Variants in JAZF1 observed in about 807,000 individuals in gnomAD.
The protein encoded by JAZF1 is JAZF zinc finger 1, also known as juxtaposed with another zinc finger protein 1.
A neutral mutation model predicts 26.4 loss-of-function variants in JAZF1; 8 were observed. The observed-to-expected ratio is 0.30, with a 90% confidence interval of 0.18 to 0.55. The LOEUF (loss-of-function observed/expected upper bound fraction) is 0.55. JAZF1 is among the 20% of genes least tolerant of loss of function. The pLI is 0.94. For missense variants in JAZF1, 199 were observed against 322.0 expected, an observed-to-expected ratio of 0.62 and a Z score of 2.92; for synonymous variants, 126 against 122.3, an observed-to-expected ratio of 1.03 and a Z score of -0.20.
Position 27,880,854 on chromosome 7 carries a change from G to T in JAZF1, c.385+14366C>A, listed in dbSNP as rs551268680. 5.3e-5 allele frequency among the ~76,000 whole-genome samples: 8 copies of T among 152,252 alleles called. No homozygotes were observed. The South Asian group carries it at 6.2e-4, about 12-fold the overall frequency. ...TAATTTAAAAACAGTTATTTGCAGA[G>T]ACAGGGTCCCCCTGTGTTACCGTGG... On this transcript the variant is annotated intron_variant, in intron 3 of 4. Transcript: ENST00000283928.
At chr7:27,966,084 G>A (rs865833435) in intron 2 of JAZF1, among the ~76,000 whole-genome samples, 2 of 152,334 alleles carry the variant, frequency 1.3e-5, no homozygotes, top group Middle Eastern at 3.4e-3. Context: ...AAAAGCTAAT[G>A]CTTTATGAGC....
At chr7:27,858,366 A>G (rs1402648350) in intron 3 of JAZF1, among the ~76,000 whole-genome samples, 1 of 152,228 alleles carries the variant, frequency 6.6e-6, no homozygotes, top group African/African-American at 2.4e-5. Context: ...TTCTTCACAT[A>G]ATTAGAAAAA....
chr7:27,979,332 CA>C (rs1785534079), intron 2 of JAZF1, among the ~76,000 whole-genome samples: 1 of 131,044 alleles, frequency 7.6e-6, no homozygotes, highest in African/African-American at 2.8e-5. Flanking sequence ...GCAGAAAATA[CA>C]GTATAATTAA....
chr7:28,170,847 T>C (rs1366921863), intron 1 of JAZF1, among the ~76,000 whole-genome samples: 1 of 152,212 alleles, frequency 6.6e-6, no homozygotes, highest in Non-Finnish European at 1.5e-5. Context: ...TGGGCACACC[T>C]GGCAGCAAAG....
At chr7:27,833,539 C>T (rs1782750150) in intron 4 of JAZF1, among the ~76,000 whole-genome samples, 1 of 152,164 alleles carries the variant, frequency 6.6e-6, no homozygotes, top group African/African-American at 2.4e-5. Context: ...TCTCTGATGC[C>T]ACTGTGGGAG....
chr7:28,111,783 C>G (rs1784664825), intron 1 of JAZF1, among the ~76,000 whole-genome samples: 1 of 152,136 alleles, frequency 6.6e-6, no homozygotes, highest in Admixed American at 6.5e-5. Flanking sequence ...TGTGTGCATG[C>G]AGCATGCATG....
At chr7:28,002,505 C>A (rs959878608) in intron 1 of JAZF1, among the ~76,000 whole-genome samples, 1 of 152,072 alleles carries the variant, frequency 6.6e-6, no homozygotes, top group African/African-American at 2.4e-5. Context: ...TTTTTTTCAT[C>A]CACAAGAAGT....
rs970998583 is a variant in JAZF1 at position 27,961,544 on chromosome 7, G to A, written c.188+30365C>T. On this transcript the variant is annotated intron_variant, in intron 2 of 4. Coordinates refer to ENST00000283928, the MANE Select transcript of JAZF1 (RefSeq NM_175061.4). ...ACCACACATATGCCCAGGAACTCTG[G>A]TGAAGACATTAAAGAGTTTATTTTT... Among the ~76,000 whole-genome samples, 68 of 152,174 alleles carry A rather than the reference G, an allele frequency of 4.5e-4. 1 individual carries two copies. The highest frequency in any genetic ancestry group is 1.6e-3 in the African/African-American group (67 of 41,430).
chr7:27,870,075 A>ATTTTTTTTTTTTTTTTTTTTTTT (rs371770357), intron 3 of JAZF1, among the ~76,000 whole-genome samples: 1 of 120,664 alleles, frequency 8.3e-6, no homozygotes. Context: ...CACCCGGTTA[A>ATTTTTTTTTTTTTTTTTTTTTTT]TTTTTTTTTT....
rs1426122832 is a variant in JAZF1, at chr7:27,990,413, C to A, written c.188+1496G>T. Among the ~76,000 whole-genome samples the A allele has an allele frequency of 5.6e-5, 8 of 142,914 alleles. No individual in the cohort carries two copies. In the South Asian group the frequency reaches 1.7e-3, roughly 30 times the overall value. 93.8% of individuals were successfully genotyped at this position (142,914 alleles called of 152,430 possible). On this transcript the variant is annotated intron_variant, in intron 2 of 4. Coordinates refer to ENST00000283928, the MANE Select transcript of JAZF1 (RefSeq NM_175061.4). ...CAAACCTGCACGTTGTGCACATGTA[C>A]CCTAGAACTTAAAGTATAAAAAAAA...
chr7:27,979,405 T>TTTTTTTTTTTTTTTTC (rs1368873651), intron 2 of JAZF1, among the ~76,000 whole-genome samples: 2 of 84,248 alleles, frequency 2.4e-5, no homozygotes, highest in East Asian at 4.1e-4. Context: ...TTTTTTTTTT[T>TTTTTTTTTTTTTTTTC]AGAAACAGAG....
intron 3 of JAZF1, 118 bp downstream of exon 3, chr7:27,895,102 G>A (rs1195864523): frequency 4.0e-6 from 2 of 498,944 alleles, no homozygotes; most frequent in Non-Finnish European, 3.5e-6. Flanking sequence ...AAGGATCAAC[G>A]ATGTGGTGGG....
chr7:28,146,679 T>C (rs1783033489), intron 1 of JAZF1, among the ~76,000 whole-genome samples: 1 of 152,172 alleles, frequency 6.6e-6, no homozygotes, highest in African/African-American at 2.4e-5. Flanking sequence ...TCCCAGAGTA[T>C]TGCCATTTAA....
At chr7:28,155,122 G>C (rs373343430) in intron 1 of JAZF1, among the ~76,000 whole-genome samples, 20 of 152,240 alleles carry the variant, frequency 1.3e-4, no homozygotes, top group Middle Eastern at 6.8e-3. Context: ...TGATTGGGAG[G>C]GGGGATGGAA....
intron 1 of JAZF1, among the ~76,000 whole-genome samples, chr7:28,145,231 A>T (rs1562602242): frequency 6.6e-6 from 1 of 152,244 alleles, no homozygotes; most frequent in Non-Finnish European, 1.5e-5. Flanking sequence ...AGGAAAAGGT[A>T]ACTAAAATGT....
intron 2 of JAZF1, among the ~76,000 whole-genome samples, chr7:27,917,994 A>G (rs368916412): frequency 6.6e-6 from 1 of 152,182 alleles, no homozygotes; most frequent in African/African-American, 2.4e-5. Flanking sequence ...TAGAGAATGC[A>G]CAAGCGATGA....
chr7:27,900,522 G>T (rs946849205), intron 2 of JAZF1, among the ~76,000 whole-genome samples: 1 of 152,130 alleles, frequency 6.6e-6, no homozygotes, highest in Non-Finnish European at 1.5e-5. Context: ...TTACACCACA[G>T]AAACTGGCAA....
At chr7:27,998,067 A>AAGGAAGGAAGGAAGGC (rs1562553960) in intron 1 of JAZF1, among the ~76,000 whole-genome samples, 2 of 72,808 alleles carry the variant, frequency 2.7e-5, no homozygotes, top group African/African-American at 1.2e-4. Flanking sequence ...GGAAGGAAGG[A>AAGGAAGGAAGGAAGGC]AGGAAGGCAG....
chr7:27,955,170 C>T (rs891785084), intron 2 of JAZF1, among the ~76,000 whole-genome samples: 1 of 152,204 alleles, frequency 6.6e-6, no homozygotes, highest in Non-Finnish European at 1.5e-5. Flanking sequence ...TAGTCTTTTA[C>T]ATGTTCAACA....
Sources: gnomAD v4.1 joint callset for allele counts (sites outside exome capture counted in the v4.1 genomes callset) on GRCh38, gnomAD v4.1.1 for gene constraint, MANE v1.5 for transcripts, NCBI Gene and HGNC (gene_info 2026-07-23, HGNC 2026-07-21) for gene names.